The following GRIP1 variants were observed in gnomAD, a reference collection of about 807,000 sequenced individuals.
The protein encoded by GRIP1 is glutamate receptor interacting protein 1, also known as glutamate receptor-interacting protein 1.
Under a neutral mutation model 129.9 loss-of-function variants are expected in GRIP1, and 45 were observed. The ratio of observed to expected loss-of-function variants is 0.35; its 90% CI spans 0.27 to 0.44. The LOEUF (loss-of-function observed/expected upper bound fraction) is 0.44, where lower values mean the gene tolerates loss of function less well. Among genes scored for constraint, GRIP1 ranks in the 20% least tolerant of loss-of-function variants. The pLI is 1.00. For synonymous variants in GRIP1, 530 were observed against 520.8 expected (o/e 1.02, Z -0.24); for missense variants, 1,196 against 1,396.8 (o/e 0.86, Z 2.29).
chr12:66,637,295 T>C (rs1429744179), intron 1 of GRIP1, among the ~76,000 whole-genome samples: 1 of 152,122 alleles, frequency 6.6e-6, no homozygotes, highest in African/African-American at 2.4e-5. Context: ...TAAAGGATGA[T>C]GAAATCTTTG....
intron 1 of GRIP1, among the ~76,000 whole-genome samples, chr12:66,708,743 A>T (rs902793508): frequency 1.3e-5 from 2 of 151,784 alleles, no homozygotes; most frequent in African/African-American, 4.8e-5. Context: ...ATAGGTATAC[A>T]TGTGCCATGG....
At chr12:67,010,741 C>A (rs2042693661) in intron 1 of GRIP1, among the ~76,000 whole-genome samples, 1 of 149,760 alleles carries the variant, frequency 6.7e-6, no homozygotes, top group Non-Finnish European at 1.5e-5. Context: ...AAAGCGGGGA[C>A]ACCGAGCCCC....
At chr12:67,023,723 T>C (rs1174671008) in intron 1 of GRIP1, among the ~76,000 whole-genome samples, 1 of 152,108 alleles carries the variant, frequency 6.6e-6, no homozygotes, top group Non-Finnish European at 1.5e-5. Context: ...ACTTCCACTC[T>C]CACCCTTTCC....
intron 1 of GRIP1, among the ~76,000 whole-genome samples, chr12:66,977,552 T>C (rs937247819): frequency 2.6e-5 from 4 of 152,196 alleles, no homozygotes; most frequent in African/African-American, 9.6e-5. Flanking sequence ...GACCCCATGG[T>C]GCCCCTTCTC....
intron 1 of GRIP1, among the ~76,000 whole-genome samples, chr12:67,062,642 C>A (rs116645231): frequency 6.6e-6 from 1 of 152,108 alleles, no homozygotes; most frequent in African/African-American, 2.4e-5. Context: ...TAGCCCATGA[C>A]TCTACAACTA....
At chr12:66,997,729 T>G (rs924447978) in intron 1 of GRIP1, among the ~76,000 whole-genome samples, 1 of 152,170 alleles carries the variant, frequency 6.6e-6, no homozygotes, top group Non-Finnish European at 1.5e-5. Flanking sequence ...TCCTCTATTT[T>G]GACCTGATGA....
At chr12:66,557,248 G>A (rs1187627196) in intron 2 of GRIP1, among the ~76,000 whole-genome samples, 2 of 152,116 alleles carry the variant, frequency 1.3e-5, no homozygotes, top group Admixed American at 6.6e-5. Context: ...ATTATATAAT[G>A]ATAAAAGGGT....
At chr12:66,959,400 G>C (rs1056018526) in intron 1 of GRIP1, among the ~76,000 whole-genome samples, 5 of 151,996 alleles carry the variant, frequency 3.3e-5, no homozygotes, top group African/African-American at 1.2e-4. Flanking sequence ...TAAAAAAAAA[G>C]CGGGTGATGT....
At chr12:67,066,909 T>TATATATATATATATATATACAC (rs1555170047) in intron 1 of GRIP1, among the ~76,000 whole-genome samples, 1 of 142,068 alleles carries the variant, frequency 7.0e-6, no homozygotes, top group African/African-American at 2.7e-5. Flanking sequence ...TATATATATA[T>TATATATATATATATATATACAC]ATACACACAC....
Position 66,923,624 on chromosome 12 carries a change from T to C in GRIP1, c.58+145426A>G, listed in dbSNP as rs550286176. 5.9e-5 allele frequency among the ~76,000 whole-genome samples: 9 copies of C among 152,190 alleles called. No homozygotes were observed. The South Asian group carries it at 1.5e-3, about 25-fold the overall frequency. On this transcript the variant is annotated intron_variant, in intron 1 of 1. Transcript: ENST00000643019. Reference sequence around the variant, plus strand: ...GGCTGCCACAGCCGCCTCCACCAAATCCTCAAACCCACTTGTACTTTTGAG... The same window carrying C: ...GGCTGCCACAGCCGCCTCCACCAAACCCTCAAACCCACTTGTACTTTTGAG...
At chr12:66,479,168 C>T (rs1248247338) in intron 7 of GRIP1, among the ~76,000 whole-genome samples, 1 of 150,954 alleles carries the variant, frequency 6.6e-6, no homozygotes, top group African/African-American at 2.4e-5. Flanking sequence ...AGATAGACCA[C>T]TAGCCAGACT....
At chr12:66,674,557 A>G (rs2034234469) in intron 1 of GRIP1, among the ~76,000 whole-genome samples, 1 of 152,234 alleles carries the variant, frequency 6.6e-6, no homozygotes, top group African/African-American at 2.4e-5. Context: ...ACGTCACCTG[A>G]GTAATCCATT....
chr12:66,644,314 T>G (rs2032182708), intron 1 of GRIP1, among the ~76,000 whole-genome samples: 3 of 152,062 alleles, frequency 2.0e-5, no homozygotes, highest in Admixed American at 2.0e-4. Flanking sequence ...ATAGTGTTCA[T>G]TTTTCCTTTT....
upstream of GRIP1, among the ~76,000 whole-genome samples, chr12:66,807,131 C>T (rs1234311698): frequency 6.6e-6 from 1 of 152,060 alleles, no homozygotes; most frequent in African/African-American, 2.4e-5. Flanking sequence ...GGGTGCTCTG[C>T]CTGAGGGGTG....
intron 14 of GRIP1, among the ~76,000 whole-genome samples, chr12:66,421,106 G>A (rs1230881942): frequency 3.9e-5 from 6 of 152,186 alleles, no homozygotes; most frequent in African/African-American, 1.4e-4. Flanking sequence ...ATCTCAGTTG[G>A]AGAGTATTAA....
Position 67,064,816 on chromosome 12 carries a change from T to C in GRIP1, c.58+4234A>G, listed in dbSNP as rs185643953. ...GTGCACAATGTGCAGGTTAGTTACA[T>C]ATGTATACATGTGACATGCTGGTGC... On this transcript the variant is annotated intron_variant, in intron 1 of 1. Transcript: ENST00000643019. 2.6e-5 allele frequency among the ~76,000 whole-genome samples: 4 copies of C among 152,070 alleles called. No individual in the cohort carries two copies. In the East Asian group the frequency reaches 5.8e-4, roughly 22 times the overall value.
chr12:66,782,780 G>C (rs1470889671), intron 1 of GRIP1, among the ~76,000 whole-genome samples: 1 of 152,098 alleles, frequency 6.6e-6, no homozygotes, highest in Non-Finnish European at 1.5e-5. Flanking sequence ...AACAATCTCT[G>C]CCTAAGTTTT....
intron 1 of GRIP1, among the ~76,000 whole-genome samples, chr12:66,889,677 T>C (rs561015895): frequency 6.6e-6 from 1 of 152,342 alleles, no homozygotes; most frequent in South Asian, 2.1e-4. Flanking sequence ...AATATCAATT[T>C]TCTTAAGCTC....
chr12:66,717,129 G>C (rs2035913587), intron 1 of GRIP1, among the ~76,000 whole-genome samples: 3 of 152,060 alleles, frequency 2.0e-5, no homozygotes, highest in Non-Finnish European at 4.4e-5. Flanking sequence ...AGAAAGAAAA[G>C]TCCAATAAGT....
Sources: gnomAD v4.1 joint callset for allele counts (sites outside exome capture counted in the v4.1 genomes callset) on GRCh38, gnomAD v4.1.1 for gene constraint, MANE v1.5 for transcripts, NCBI Gene and HGNC (gene_info 2026-07-23, HGNC 2026-07-21) for gene names.